Variants in ABL1 observed in about 807,000 individuals in gnomAD.
The protein encoded by ABL1 is tyrosine-protein kinase ABL1.
In ABL1, 11 loss-of-function variants were observed where a neutral mutation model predicts 94.7. That is an observed-to-expected ratio of 0.12 (90% CI 0.07 to 0.19). The LOEUF is 0.19. Among genes scored for constraint, ABL1 ranks in the 10% least tolerant of loss-of-function variants. The pLI is 1.00. For synonymous variants in ABL1, 656 were observed against 622.4 expected (o/e 1.05, Z -0.80); for missense variants, 1,082 against 1,489.4 (o/e 0.73, Z 4.50).
At position 130,880,639 on chromosome 9, in the gene ABL1, T is replaced by C. The variant is rs772765914; in HGVS notation, c.1653T>C (p.Pro551=). 3 of 1,613,046 alleles carry C rather than the reference T, an allele frequency of 1.9e-6. No homozygotes were observed. Among genetic ancestry groups the C allele is most frequent in the Admixed American group, 3.3e-5 (2 of 59,910 alleles). Residue 551 remains proline, a synonymous_variant, in exon 10 of 11, where the codon CCT becomes CCC. Transcript: ENST00000318560. The surrounding 1 kb of genome is among the most constrained non-coding windows in gnomAD (Gnocchi z 4.4). ...HRDTTDVPEM[P]HSKGQGESDP... The stretch of plus-strand genomic sequence containing the variant: ...ACACCACTGACGTGCCTGAGATGCC[T>C]CACTCCAAGGGCCAGGGAGAGAGCG...
chr9:130,769,573 A>G (rs1415743584), intron 1 of ABL1, among the ~76,000 whole-genome samples: 2 of 152,054 alleles, frequency 1.3e-5, no homozygotes, highest in Non-Finnish European at 1.5e-5. Context: ...TCCTGACCTC[A>G]GGTGATCTAC....
chr9:130,844,565 C>G (rs1198451692), intron 1 of ABL1, among the ~76,000 whole-genome samples: 1 of 151,928 alleles, frequency 6.6e-6, no homozygotes, highest in African/African-American at 2.4e-5. Context: ...ATATTTGAGG[C>G]CAAGGCAGGC....
At chr9:130,871,052 T>C (rs906333140) in intron 4 of ABL1, among the ~76,000 whole-genome samples, 1 of 152,230 alleles carries the variant, frequency 6.6e-6, no homozygotes, top group African/African-American at 2.4e-5. Flanking sequence ...GCCTTCCTCT[T>C]TGGGGAGCCT....
At position 130,751,129 on chromosome 9, in the gene ABL1, C is replaced by CTTTTTTTTTTTTTTTTTTTTTTTTTTT. The variant is rs60206110; in HGVS notation, c.136+36678_136+36704dup. Among the ~76,000 whole-genome samples, 4 of 57,486 alleles carry CTTTTTTTTTTTTTTTTTTTTTTTTTTT rather than the reference C, an allele frequency of 7.0e-5. 1 individual carries two copies. The highest frequency in any genetic ancestry group is 1.4e-3 in the East Asian group (2 of 1,452). The allele number at this position is 57,486 out of a possible 152,430, so 37.7% of individuals were successfully genotyped here. On this transcript the variant is annotated intron_variant, in intron 1 of 10. Transcript: ENST00000372348. ...TTTGAAACTTGTTTTTTTTATTCAGCTTTTTTTTTTTTTTTTTTTTTTTTT... is the reference window on the plus strand; with the variant it reads ...TTTGAAACTTGTTTTTTTTATTCAGCTTTTTTTTTTTTTTTTTTTTTTTTTTTTTTTTTTTTTTTTTTTTTTTTTTTT...
At chr9:130,725,670 G>A (rs1006973545) in intron 1 of ABL1, among the ~76,000 whole-genome samples, 3 of 151,462 alleles carry the variant, frequency 2.0e-5, no homozygotes, top group African/African-American at 7.3e-5. Flanking sequence ...ATGAGCCACC[G>A]TGCCTGGCCT....
chr9:130,849,667 G>A (rs1293085744), intron 1 of ABL1, among the ~76,000 whole-genome samples: 3 of 152,014 alleles, frequency 2.0e-5, no homozygotes, highest in African/African-American at 4.8e-5. Context: ...ACAGGCATGC[G>A]CCACCATGCC....
chr9:130,818,132 T>A (rs960413714), intron 1 of ABL1, among the ~76,000 whole-genome samples: 5 of 152,128 alleles, frequency 3.3e-5, no homozygotes, highest in Admixed American at 6.5e-5. Context: ...TCTATTCTCT[T>A]AACAGTATCT....
intron 1 of ABL1, among the ~76,000 whole-genome samples, chr9:130,836,946 A>G (rs969405845): frequency 3.3e-5 from 5 of 151,828 alleles, no homozygotes; most frequent in African/African-American, 1.2e-4. Flanking sequence ...AACAGGCCTC[A>G]TTTATTTTCT....
chr9:130,813,354 G>A (rs1008683368), intron 1 of ABL1, among the ~76,000 whole-genome samples: 2 of 151,916 alleles, frequency 1.3e-5, no homozygotes, highest in Non-Finnish European at 2.9e-5. Context: ...GAGGTCAGGA[G>A]ATCAAGACCA....
At chr9:130,816,693 A>G (rs1367825624) in intron 1 of ABL1, among the ~76,000 whole-genome samples, 3 of 152,064 alleles carry the variant, frequency 2.0e-5, no homozygotes, top group Non-Finnish European at 4.4e-5. Context: ...AGAAAGGGGT[A>G]GCTGGTCCCA....
intron 1 of ABL1, among the ~76,000 whole-genome samples, chr9:130,749,151 G>C (rs1423247845): frequency 6.6e-6 from 1 of 151,986 alleles, no homozygotes; most frequent in Admixed American, 6.6e-5. Context: ...GTAATACATT[G>C]TGCTCAGTTC....
At chr9:130,731,993 T>G (rs575895950) in intron 1 of ABL1, among the ~76,000 whole-genome samples, 7 of 152,308 alleles carry the variant, frequency 4.6e-5, no homozygotes, top group Admixed American at 1.3e-4. Flanking sequence ...ACCTGCTGCT[T>G]CTTTCCAATT....
intron 1 of ABL1, among the ~76,000 whole-genome samples, chr9:130,851,036 G>T (rs1211912359): frequency 6.6e-6 from 1 of 151,988 alleles, no homozygotes; most frequent in Non-Finnish European, 1.5e-5. Flanking sequence ...CCATTCTCCT[G>T]CCTCAGCCTC....
intron 1 of ABL1, among the ~76,000 whole-genome samples, chr9:130,843,239 T>C (rs1830705053): frequency 3.9e-5 from 6 of 152,096 alleles, no homozygotes; most frequent in Admixed American, 3.9e-4. Flanking sequence ...TATGAGAGAC[T>C]TGGTCTCTAC....
intron 1 of ABL1, among the ~76,000 whole-genome samples, chr9:130,851,145 C>T (rs756207002): frequency 8.6e-5 from 13 of 151,966 alleles, no homozygotes; most frequent in African/African-American, 1.5e-4. Flanking sequence ...AGGATGGTCT[C>T]GATCTCCTGA....
At chr9:130,877,602 G>GGGGT (rs1831369035) in intron 7 of ABL1, among the ~76,000 whole-genome samples, 1 of 146,828 alleles carries the variant, frequency 6.8e-6, no homozygotes, top group South Asian at 2.1e-4. Context: ...GCATGTTTGT[G>GGGGT]GGGTAAGTTT....
intron 1 of ABL1, among the ~76,000 whole-genome samples, chr9:130,843,652 G>A (rs556478479): frequency 5.3e-5 from 8 of 152,210 alleles, no homozygotes; most frequent in African/African-American, 1.7e-4. Flanking sequence ...TGTTGTGGGC[G>A]AGGTGATGGG....
chr9:130,842,809 T>A (rs1736319415), intron 1 of ABL1, among the ~76,000 whole-genome samples: 1 of 152,254 alleles, frequency 6.6e-6, no homozygotes, highest in South Asian at 2.1e-4. Context: ...GCAGGCTGAC[T>A]GTGGACAGTC....
chr9:130,763,549 G>T lies in ABL1; in HGVS notation c.136+49094G>T, dbSNP rs573248954. Among the ~76,000 whole-genome samples the T allele has an allele frequency of 3.9e-5, 6 of 152,290 alleles. No homozygotes were observed. The South Asian group carries it at 1.2e-3, about 32-fold the overall frequency. ...AGACAAGATTTCAGCTGGGACTTCA[G>T]AGTCATTTGAAGGCTTAACTGGGGC... On this transcript the variant is annotated intron_variant, in intron 1 of 10. Transcript: ENST00000372348.
Sources: allele counts gnomAD v4.1 joint callset (sites outside exome capture counted in the v4.1 genomes callset), GRCh38; gene constraint gnomAD v4.1.1; non-coding constraint Gnocchi (gnomAD v3.1); transcripts MANE v1.5; gene names NCBI Gene and HGNC (gene_info 2026-07-23, HGNC 2026-07-21).